Variants in DMD observed in about 807,000 individuals in gnomAD.
DMD encodes dystrophin.
A neutral mutation model predicts 330.1 loss-of-function variants in DMD; 63 were observed. The ratio of observed to expected loss-of-function variants is 0.19; its 90% CI spans 0.16 to 0.24. The LOEUF is 0.24. DMD is among the 10% of genes least tolerant of loss of function. The pLI is 1.00. For synonymous variants in DMD, 1,223 were observed against 959.8 expected (o/e 1.27, Z -5.07); for missense variants, 3,344 against 2,684.1 (o/e 1.25, Z -5.43).
intron 41 of DMD, among the ~76,000 whole-genome samples, chrX:32,311,680 A>C (rs2148606105): frequency 8.9e-6 from 1 of 111,734 alleles, no homozygotes; most frequent in South Asian, 3.7e-4. Context: ...TTAAAAGGAT[A>C]TTAGAAACTT....
chrX:33,228,659 A>T (rs771587756), intron 1 of DMD, among the ~76,000 whole-genome samples: 1 of 109,402 alleles, frequency 9.1e-6, no homozygotes, highest in South Asian at 3.9e-4. Flanking sequence ...ATATTAGGCT[A>T]TCAGGCTCTC....
At chrX:32,280,006 CATATATATATGTACCCCACAT>C (rs1477678709) in intron 43 of DMD, among the ~76,000 whole-genome samples, 25 of 66,994 alleles carry the variant, frequency 3.7e-4, no homozygotes, top group African/African-American at 1.6e-3. Context: ...ATGTACCCCA[CATATATATATGTACCCCACAT>C]ATATATATAC....
At position 32,849,177 on chromosome X, in the gene DMD, C is replaced by A. The variant is rs1191174285; in HGVS notation, c.186+551G>T. On this transcript the variant is annotated intron_variant, in intron 3 of 78. Coordinates refer to ENST00000357033, the MANE Select transcript of DMD (RefSeq NM_004006.3). ...CAGTCAGGGGATTTCAATTTGAGTTCTTTCCCCCCCCAGTGTAAGACCTTG... is the reference window on the plus strand; with the variant it reads ...CAGTCAGGGGATTTCAATTTGAGTTATTTCCCCCCCCAGTGTAAGACCTTG... 1.5e-4 allele frequency among the ~76,000 whole-genome samples: 17 copies of A among 111,551 alleles called. No individual in the cohort carries two copies. The Admixed American group carries it at 1.6e-3, about 11-fold the overall frequency.
chrX:31,652,329 C>T (rs1016018086), intron 54 of DMD, among the ~76,000 whole-genome samples: 6 of 111,555 alleles, frequency 5.4e-5, no homozygotes, highest in African/African-American at 2.0e-4. Flanking sequence ...GTGTGTATGA[C>T]CATCTGACAC....
intron 44 of DMD, among the ~76,000 whole-genome samples, chrX:32,023,289 T>C (rs2095820817): frequency 9.0e-6 from 1 of 111,430 alleles, no homozygotes; most frequent in African/African-American, 3.3e-5. Context: ...ACTGCAGGTA[T>C]CTAAGACCTG....
At chrX:32,015,475 C>T (rs756094364) in intron 44 of DMD, among the ~76,000 whole-genome samples, 24 of 111,223 alleles carry the variant, frequency 2.2e-4, no homozygotes, top group South Asian at 3.9e-4. Flanking sequence ...GGCTACACCC[C>T]CTAGAGTTTT....
intron 1 of DMD, among the ~76,000 whole-genome samples, chrX:33,102,316 GTTT>G (rs3083153): frequency 2.1e-4 from 20 of 95,797 alleles, no homozygotes; most frequent in African/African-American, 4.6e-4. Flanking sequence ...GGTTTTTTTT[GTTT>G]TTTTTTTTTT....
chrX:32,378,447 C>T (rs976322339), intron 34 of DMD, among the ~76,000 whole-genome samples: 1 of 109,630 alleles, frequency 9.1e-6, no homozygotes, highest in Non-Finnish European at 1.9e-5. Context: ...TAAGATAAAA[C>T]TGATACTATT....
At chrX:31,151,373 T>C (rs1159424174) in intron 74 of DMD, among the ~76,000 whole-genome samples, 1 of 112,480 alleles carries the variant, frequency 8.9e-6, no homozygotes, top group African/African-American at 3.2e-5. Flanking sequence ...GCAGCCATGG[T>C]GTTCCTTTTG....
At chrX:31,738,972 G>A (rs745780057) in intron 51 of DMD, among the ~76,000 whole-genome samples, 4 of 111,250 alleles carry the variant, frequency 3.6e-5, no homozygotes, top group African/African-American at 1.3e-4. Context: ...ATAGTTACTG[G>A]GTACAAAAAA....
chrX:31,671,675 TC>T (rs1414494065), intron 53 of DMD, among the ~76,000 whole-genome samples: 1 of 112,145 alleles, frequency 8.9e-6, no homozygotes, highest in Non-Finnish European at 1.9e-5. Flanking sequence ...TATAGGTCTA[TC>T]CAGGTTATCT....
At chrX:33,215,514 T>C (rs2052037979), upstream of DMD, among the ~76,000 whole-genome samples, 1 of 111,613 alleles carries the variant, frequency 9.0e-6, no homozygotes, top group South Asian at 3.7e-4. Flanking sequence ...TTGCAGAAGC[T>C]CTTTGGCTTA....
At chrX:31,174,929 G>A (rs2040361449) in intron 71 of DMD, among the ~76,000 whole-genome samples, 1 of 111,237 alleles carries the variant, frequency 9.0e-6, no homozygotes, top group Non-Finnish European at 1.9e-5. Flanking sequence ...ATTGAAATGA[G>A]TTATAAAGAC....
At chrX:31,967,614 A>G (rs979175554) in intron 45 of DMD, among the ~76,000 whole-genome samples, 18 of 111,284 alleles carry the variant, frequency 1.6e-4, no homozygotes, top group African/African-American at 5.9e-4. Context: ...CATTGTTCAT[A>G]ACAATAGTCT....
Position 31,374,887 on chromosome X carries a change from G to A in DMD, c.9085-26253C>T, listed in dbSNP as rs768394351. On this transcript the variant is annotated intron_variant, in intron 60 of 78. Coordinates refer to ENST00000357033, the MANE Select transcript of DMD (RefSeq NM_004006.3). The stretch of plus-strand genomic sequence containing the variant: ...CAGCATCTGTAGTAGACACCGTGGC[G>A]CTCCACCCTGGACCTCCTCTTTAGG... Among the ~76,000 whole-genome samples, 16 of 111,242 alleles carry A rather than the reference G, an allele frequency of 1.4e-4. No individual in the cohort carries two copies. In the South Asian group the frequency reaches 1.5e-3, roughly 11 times the overall value.
chrX:32,418,927 C>A (rs1050745664), intron 29 of DMD, among the ~76,000 whole-genome samples: 3 of 85,371 alleles, frequency 3.5e-5, no homozygotes, highest in African/African-American at 1.5e-4. Context: ...GAGCTGAGAT[C>A]GTGCCATTGC....
At chrX:32,667,641 C>T in intron 9 of DMD, among the ~76,000 whole-genome samples, 1 of 111,341 alleles carries the variant, frequency 9.0e-6, no homozygotes, top group Non-Finnish European at 1.9e-5. Context: ...GATGGAAATC[C>T]TAGGGGTCAA....
upstream of DMD, among the ~76,000 whole-genome samples, chrX:33,215,130 G>A (rs2052028980): frequency 9.1e-6 from 1 of 110,426 alleles, no homozygotes; most frequent in African/African-American, 3.3e-5. Context: ...GAGCTCAGGA[G>A]TTCAAGACCA....
At position 32,627,473 on chromosome X, in the gene DMD, G is replaced by T. The variant is rs975016558; in HGVS notation, c.1332-13020C>A. Among the ~76,000 whole-genome samples, 3 of 96,447 alleles carry T rather than the reference G, an allele frequency of 3.1e-5. 1 individual carries two copies. The highest frequency in any genetic ancestry group is 1.7e-4 in the African/African-American group (3 of 17,152). The allele number at this position is 96,447 out of a possible 115,157, so 83.8% of individuals were successfully genotyped here. A position where few individuals can be genotyped will look rare whatever the true frequency, so the allele number is the denominator to read the frequency against. On this transcript the variant is annotated intron_variant, in intron 11 of 78. Transcript: ENST00000357033. ...AATTTTTAAATACAAAATAATAATT[G>T]TGTGTCAGAAAAAAAGAGGTATTAT...
Sources: allele counts gnomAD v4.1 joint callset (sites outside exome capture counted in the v4.1 genomes callset), GRCh38; gene constraint gnomAD v4.1.1; transcripts MANE v1.5; gene names NCBI Gene and HGNC (gene_info 2026-07-23, HGNC 2026-07-21).